NRG3: variants seen among roughly 807,000 people sequenced by gnomAD.
The protein encoded by NRG3 is neuregulin 3, also known as pro-neuregulin-3, membrane-bound isoform.
In NRG3, 31 loss-of-function variants were observed where a neutral mutation model predicts 66.9. The ratio of observed to expected loss-of-function variants is 0.46; its 90% CI spans 0.35 to 0.63. The LOEUF (loss-of-function observed/expected upper bound fraction) is 0.63. Among genes scored for constraint, NRG3 ranks in the 20% least tolerant of loss-of-function variants. NRG3 has a pLI of 0.00. For synonymous variants in NRG3, 393 were observed against 359.4 expected, an observed-to-expected ratio of 1.09 and a Z score of -1.06; for missense variants, 910 against 878.9, an observed-to-expected ratio of 1.04 and a Z score of -0.45.
intron 3 of NRG3, among the ~76,000 whole-genome samples, chr10:82,824,104 C>A (rs2062075392): frequency 6.6e-6 from 1 of 152,140 alleles, no homozygotes; most frequent in South Asian, 2.1e-4. Context: ...CTGTTTCAGA[C>A]ATTTTATTTT....
At chr10:82,101,637 C>A (rs1253565890) in intron 1 of NRG3, among the ~76,000 whole-genome samples, 1 of 151,546 alleles carries the variant, frequency 6.6e-6, no homozygotes, top group African/African-American at 2.4e-5. Flanking sequence ...GTGGAATCAC[C>A]AATGATTTTT....
intron 2 of NRG3, among the ~76,000 whole-genome samples, chr10:82,430,921 C>T (rs1243491483): frequency 1.3e-5 from 2 of 152,112 alleles, no homozygotes; most frequent in Non-Finnish European, 2.9e-5. Context: ...TATGGAAAGG[C>T]TCAACAACAG....
chr10:82,280,051 G>T, intron 1 of NRG3, among the ~76,000 whole-genome samples: 1 of 152,140 alleles, frequency 6.6e-6, no homozygotes, highest in East Asian at 1.9e-4. Flanking sequence ...TGGGCAGGGG[G>T]ATCAGTTCTG....
At chr10:82,358,598 A>G in intron 1 of NRG3, 141 bp from the exon 2 acceptor site, 1 of 1,061,052 alleles carries the variant, frequency 9.4e-7, no homozygotes, top group South Asian at 1.5e-5. Context: ...AGTACCAAGG[A>G]GGGTTGGAGC....
chr10:82,151,217 A>T (rs1330516333), intron 1 of NRG3, among the ~76,000 whole-genome samples: 1 of 152,232 alleles, frequency 6.6e-6, no homozygotes, highest in Non-Finnish European at 1.5e-5. Context: ...AGCCTTCTGC[A>T]GTACCAGTGT....
chr10:81,911,727 C>CCACA lies in NRG3; in HGVS notation c.823+35580_823+35583dup, dbSNP rs112669396. Among the ~76,000 whole-genome samples the CCACA allele has an allele frequency of 3.3e-3, 475 of 145,934 alleles. 1 individual carries two copies. The highest frequency in any genetic ancestry group is 0.011 in the African/African-American group (422 of 39,764). ...TTCCACCTCCAACCTTTCCCCGTTA[C>CCACA]CACACACACACACACACACCCCAAA... On this transcript the variant is annotated intron_variant, in intron 1 of 8. Coordinates refer to ENST00000372141, the MANE Select transcript of NRG3 (RefSeq NM_001010848.4).
In NRG3 at chr10:82,146,039, G is replaced by C. The variant is rs185540128; in HGVS notation, c.824-212700G>C. ...GGGAGTGGCTGACAGAAAATATTTT[G>C]TGAGTGAGTTAAACACCTCACATCT... On this transcript the variant is annotated intron_variant, in intron 1 of 8. Coordinates refer to ENST00000372141, the MANE Select transcript of NRG3 (RefSeq NM_001010848.4). Among the ~76,000 whole-genome samples, 35 of 152,258 alleles carry C rather than the reference G, an allele frequency of 2.3e-4. No homozygotes were observed. The East Asian group carries it at 6.4e-3, about 28-fold the overall frequency.
chr10:82,418,845 C>T (rs1046963701), intron 2 of NRG3, among the ~76,000 whole-genome samples: 45 of 152,134 alleles, frequency 3.0e-4, no homozygotes, highest in African/African-American at 1.1e-3. Flanking sequence ...AGGCAATCCT[C>T]GCACCTCAGG....
intron 1 of NRG3, among the ~76,000 whole-genome samples, chr10:82,050,171 A>G (rs1589916131): frequency 6.8e-6 from 1 of 147,572 alleles, no homozygotes; most frequent in East Asian, 2.0e-4. Context: ...GACATGTTAG[A>G]CTGAGTATTA....
intron 4 of NRG3, among the ~76,000 whole-genome samples, chr10:82,933,117 A>C (rs1256063854): frequency 6.6e-6 from 1 of 152,230 alleles, no homozygotes; most frequent in Non-Finnish European, 1.5e-5. Flanking sequence ...TTGAAAGCTG[A>C]GCAGCATAGG....
intron 1 of NRG3, among the ~76,000 whole-genome samples, chr10:82,036,454 G>C (rs1004000963): frequency 2.6e-5 from 4 of 152,076 alleles, no homozygotes; most frequent in African/African-American, 9.7e-5. Flanking sequence ...GGCTCGGGGA[G>C]ATTAAATAAC....
At chr10:82,761,798 AAAATT>A (rs1473179568) in intron 3 of NRG3, among the ~76,000 whole-genome samples, 2 of 151,804 alleles carry the variant, frequency 1.3e-5, no homozygotes, top group Non-Finnish European at 2.9e-5. Context: ...TCAAAATAAA[AAAATT>A]AAGTTAAAAT....
intron 3 of NRG3, among the ~76,000 whole-genome samples, chr10:82,741,774 C>T (rs1428981244): frequency 1.3e-5 from 2 of 152,084 alleles, no homozygotes; most frequent in African/African-American, 2.4e-5. Flanking sequence ...GGGCGCTTTC[C>T]TCCCTCCCCT....
intron 2 of NRG3, among the ~76,000 whole-genome samples, chr10:82,513,710 G>A (rs947440436): frequency 2.6e-5 from 4 of 152,178 alleles, no homozygotes; most frequent in African/African-American, 9.7e-5. Context: ...AACCCAGAAG[G>A]TGGAGGTTGC....
At chr10:82,434,538 G>A (rs1025764219) in intron 2 of NRG3, among the ~76,000 whole-genome samples, 1 of 151,760 alleles carries the variant, frequency 6.6e-6, no homozygotes, top group Non-Finnish European at 1.5e-5. Flanking sequence ...GTTTTTGAAG[G>A]GTACTTCCAG....
intron 1 of NRG3, among the ~76,000 whole-genome samples, chr10:82,345,959 T>G (rs2082992935): frequency 6.6e-6 from 1 of 152,198 alleles, no homozygotes; most frequent in South Asian, 2.1e-4. Flanking sequence ...TTAAGCAGAT[T>G]TTGGGCTGAG....
intron 1 of NRG3, among the ~76,000 whole-genome samples, chr10:82,043,934 A>G (rs1223521751): frequency 6.6e-6 from 1 of 152,126 alleles, no homozygotes; most frequent in Non-Finnish European, 1.5e-5. Flanking sequence ...TAAACATTGA[A>G]GTAAAGTGTT....
At chr10:82,776,350 A>G (rs1279469411) in intron 3 of NRG3, among the ~76,000 whole-genome samples, 1 of 152,046 alleles carries the variant, frequency 6.6e-6, no homozygotes, top group East Asian at 1.9e-4. Flanking sequence ...CTGATTTTCC[A>G]ATTTTCTCTT....
chr10:81,981,176 A>T (rs533734077), intron 1 of NRG3, among the ~76,000 whole-genome samples: 27 of 152,300 alleles, frequency 1.8e-4, no homozygotes, highest in African/African-American at 6.3e-4. Context: ...TGTAAATATT[A>T]TCTAAATCAA....
Sources: allele counts gnomAD v4.1 joint callset (sites outside exome capture counted in the v4.1 genomes callset), GRCh38; gene constraint gnomAD v4.1.1; transcripts MANE v1.5; gene names NCBI Gene and HGNC (gene_info 2026-07-23, HGNC 2026-07-21).